The following MRAP2 variants were observed in gnomAD, a reference collection of about 807,000 sequenced individuals.
MRAP2 encodes the protein melanocortin 2 receptor accessory protein 2.
MRAP2 carries 20 observed loss-of-function variants against 17.4 expected under a neutral mutation model. The ratio of observed to expected loss-of-function variants is 1.15; its 90% CI spans 0.81 to 1.67. MRAP2 has a LOEUF of 1.67. Among genes scored for constraint, MRAP2 ranks in the 40% most tolerant of loss-of-function variants. The pLI is 0.00. For synonymous variants in MRAP2, 96 were observed against 88.4 expected, an observed-to-expected ratio of 1.09 and a Z score of -0.48; for missense variants, 238 against 240.0, an observed-to-expected ratio of 0.99 and a Z score of 0.05.
chr6:84,136,088 A>G, the MRAP2 span, among the ~76,000 whole-genome samples: 1 of 152,132 alleles, frequency 6.6e-6, no homozygotes, highest in Non-Finnish European at 1.5e-5. Context: ...CTTTGCTGAC[A>G]AGGCCTTGAT....
chr6:84,125,251 A>G, the MRAP2 span: 3 of 1,613,338 alleles, frequency 1.9e-6, no homozygotes, highest in Non-Finnish European at 2.5e-6. Flanking sequence ...CTCAGTTTCT[A>G]CTACTTGGTG....
At chr6:84,094,648 A>C (rs534335916), downstream of MRAP2, among the ~76,000 whole-genome samples, 2 of 152,106 alleles carry the variant, frequency 1.3e-5, no homozygotes, top group African/African-American at 4.8e-5. Flanking sequence ...TTTAGTATCC[A>C]TATTTCTACC....
In MRAP2 at chr6:84,055,376, G is replaced by C. The variant is rs968698551; in HGVS notation, c.58G>C (p.Asp20His). ...RTSQQSASNS[D>H]YTWEYEYYEI... is the part of the protein sequence containing the mutation. Reference sequence around the variant, plus strand: ...CTCCCAGCAATCGGCATCTAATTCTGATTACACCTGGGAATATGAATATTA... The same window carrying C: ...CTCCCAGCAATCGGCATCTAATTCTCATTACACCTGGGAATATGAATATTA... The change falls in exon 2 of 4, where the codon GAT becomes CAT. Residue 20 changes from aspartate (D) to histidine (H), a missense_variant. Transcript: ENST00000257776. 1.2e-6 allele frequency: 2 copies of C among 1,613,522 alleles called. No individual in the cohort carries two copies. Among genetic ancestry groups the C allele is most frequent in the Non-Finnish European group, 1.7e-6 (2 of 1,179,810 alleles).
At chr6:84,057,155 C>T (rs72907692) in intron 2 of MRAP2, among the ~76,000 whole-genome samples, 2,183 of 152,178 alleles carry the variant, frequency 0.014, 19 homozygotes, top group Non-Finnish European at 0.025. Flanking sequence ...ACACAAAACC[C>T]CAGATATACA....
chr6:84,137,870 C>T, the MRAP2 span, among the ~76,000 whole-genome samples: 2 of 152,056 alleles, frequency 1.3e-5, no homozygotes, highest in Non-Finnish European at 1.5e-5. Context: ...TTAGCATCAA[C>T]GGAAGAGGTG....
At position 84,071,926 on chromosome 6, in the gene MRAP2, T is replaced by C. The variant is rs2099496295; in HGVS notation, c.227+8934T>C. On this transcript the variant is annotated intron_variant, in intron 3 of 3. Coordinates refer to ENST00000257776, the MANE Select transcript of MRAP2 (RefSeq NM_138409.4). The stretch of plus-strand genomic sequence containing the variant: ...TAAGTGTGTCCAATGTTTCCTGAAG[T>C]TTTGTTTTTCCTTTAAACTATCTAT... 2.0e-5 allele frequency among the ~76,000 whole-genome samples: 3 copies of C among 152,160 alleles called. No homozygotes were observed. The South Asian group carries it at 6.2e-4, about 31-fold the overall frequency.
At chr6:84,118,884 A>T in the MRAP2 span, among the ~76,000 whole-genome samples, 11 of 152,320 alleles carry the variant, frequency 7.2e-5, no homozygotes, top group African/African-American at 2.6e-4. Context: ...TAAGGATCCA[A>T]TTTCATTCTT....
At chr6:84,129,867 T>C in the MRAP2 span, among the ~76,000 whole-genome samples, 6 of 152,306 alleles carry the variant, frequency 3.9e-5, no homozygotes, top group South Asian at 2.1e-4. Context: ...TCTTGCCTGA[T>C]TGTTCTGGCC....
At chr6:84,085,870 C>G (rs1348348286) in intron 3 of MRAP2, among the ~76,000 whole-genome samples, 1 of 152,140 alleles carries the variant, frequency 6.6e-6, no homozygotes, top group Non-Finnish European at 1.5e-5. Flanking sequence ...TTAAGGTAGG[C>G]TGATAACCAA....
chr6:84,088,053 G>T (rs1176124741), intron 3 of MRAP2, among the ~76,000 whole-genome samples: 1 of 152,030 alleles, frequency 6.6e-6, no homozygotes, highest in Non-Finnish European at 1.5e-5. Context: ...TTGGTCATAA[G>T]TGCTTTCTCC....
At chr6:84,076,548 C>T (rs1430905365) in intron 3 of MRAP2, among the ~76,000 whole-genome samples, 2 of 151,934 alleles carry the variant, frequency 1.3e-5, no homozygotes, top group Non-Finnish European at 2.9e-5. Flanking sequence ...TTAGTAGAGA[C>T]AGGGTTTCAC....
chr6:84,099,954 G>C, the MRAP2 span, among the ~76,000 whole-genome samples: 1 of 151,638 alleles, frequency 6.6e-6, no homozygotes, highest in Non-Finnish European at 1.5e-5. Flanking sequence ...TCCACCTCTT[G>C]GGTTCAAGCG....
At chr6:84,141,336 G>A in the MRAP2 span, among the ~76,000 whole-genome samples, 6 of 151,958 alleles carry the variant, frequency 3.9e-5, no homozygotes, top group African/African-American at 1.4e-4. Context: ...TTTAAAAGAG[G>A]GCATAAAAGA....
At chr6:84,037,647 C>G (rs144179408) in intron 1 of MRAP2, among the ~76,000 whole-genome samples, 8 of 152,160 alleles carry the variant, frequency 5.3e-5, no homozygotes, top group Admixed American at 5.2e-4. Flanking sequence ...GGCTGAGGCC[C>G]GGTGAGAATT....
At chr6:84,055,076 AT>A (rs1210806970) in intron 1 of MRAP2, among the ~76,000 whole-genome samples, 4 of 152,236 alleles carry the variant, frequency 2.6e-5, no homozygotes, top group Admixed American at 6.5e-5. Flanking sequence ...GTTCAAAAAA[AT>A]ATACAGTGTC....
the MRAP2 span, chr6:84,126,623 T>C: frequency 1.4e-6 from 1 of 711,288 alleles, no homozygotes; most frequent in East Asian, 3.0e-5. Flanking sequence ...AAGAGGCACC[T>C]TGGATTGTTA....
chr6:84,043,594 T>A (rs2099488201), intron 1 of MRAP2, among the ~76,000 whole-genome samples: 1 of 151,522 alleles, frequency 6.6e-6, no homozygotes, highest in South Asian at 2.1e-4. Context: ...ATGACCCTGT[T>A]GTTTCTACTG....
chr6:84,053,549 A>G (rs920118020), intron 1 of MRAP2, among the ~76,000 whole-genome samples: 3 of 152,210 alleles, frequency 2.0e-5, no homozygotes, highest in Admixed American at 6.5e-5. Flanking sequence ...GCTTGAATCA[A>G]TCAATTAACA....
chr6:84,069,228 T>C (rs948053406), intron 3 of MRAP2, among the ~76,000 whole-genome samples: 1 of 152,220 alleles, frequency 6.6e-6, no homozygotes, highest in Non-Finnish European at 1.5e-5. Context: ...TTATGTTGGC[T>C]GTGGGTTTGT....
Sources: gnomAD v4.1 joint callset for allele counts (sites outside exome capture counted in the v4.1 genomes callset) on GRCh38, gnomAD v4.1.1 for gene constraint, MANE v1.5 for transcripts, NCBI Gene and HGNC (gene_info 2026-07-23, HGNC 2026-07-21) for gene names.